The following PCDH15 variants were observed in gnomAD, a reference collection of about 807,000 sequenced individuals.
The protein encoded by PCDH15 is protocadherin related 15.
In PCDH15, 129 loss-of-function variants were observed where a neutral mutation model predicts 178.5. That is an observed-to-expected ratio of 0.72 (90% confidence interval 0.63 to 0.84). PCDH15 has a LOEUF of 0.84. Among genes scored for constraint, PCDH15 ranks in the 40% least tolerant of loss-of-function variants. The pLI is 0.00. For missense variants in PCDH15, 2,230 were observed against 2,099.9 expected (o/e 1.06, Z -1.21); for synonymous variants, 800 against 732.0 (o/e 1.09, Z -1.50).
In PCDH15 at chr10:53,903,334, T is replaced by G. The variant is rs1439470139; in HGVS notation, c.3410A>C (p.Glu1137Ala). 6.2e-7 allele frequency: 1 copy of G among 1,613,048 alleles called. No individual in the cohort carries two copies. The highest frequency in any genetic ancestry group is 8.5e-7 in the Non-Finnish European group (1 of 1,179,486). ...CTGAAACACTGGGGGATGATTATTT[T>G]CATCCTGAATCTCAATGTATACTTT... is the stretch of plus-strand genomic sequence containing the variant. ...TAKVYIEIQD[E>A]NNHPPVFQKK... is the part of the protein sequence containing the mutation. The change falls in exon 26 of 38, where the codon GAA (glutamate) becomes GCA (alanine). Residue 1137 changes from glutamate (E) to alanine (A), a missense_variant. Coordinates refer to ENST00000644397, the MANE Select transcript of PCDH15 (RefSeq NM_001384140.1).
chr10:54,077,998 G>C (rs1015601698), intron 17 of PCDH15, among the ~76,000 whole-genome samples: 2 of 152,150 alleles, frequency 1.3e-5, no homozygotes, highest in African/African-American at 4.8e-5. Context: ...GGGAGGCTGA[G>C]TTTGCAGTGA....
At chr10:54,356,926 T>G (rs187037445) in intron 5 of PCDH15, among the ~76,000 whole-genome samples, 3 of 152,124 alleles carry the variant, frequency 2.0e-5, no homozygotes, top group East Asian at 1.9e-4. Context: ...ATTATCTCAA[T>G]AGATGCAGAA....
chr10:54,320,785 G>T (rs1405611634), intron 7 of PCDH15, among the ~76,000 whole-genome samples: 1 of 151,814 alleles, frequency 6.6e-6, no homozygotes, highest in Admixed American at 6.6e-5. Context: ...ATGAGGACAT[G>T]TTTCCTCATC....
intron 25 of PCDH15, among the ~76,000 whole-genome samples, chr10:53,935,625 G>A (rs12265526): frequency 0.012 from 1,759 of 152,306 alleles, 45 homozygotes; most frequent in African/African-American, 0.041. Context: ...CTACAGCAGA[G>A]TAGAGTAGTT....
chr10:54,044,891 G>T (rs1226569987), intron 18 of PCDH15, among the ~76,000 whole-genome samples: 1 of 152,040 alleles, frequency 6.6e-6, no homozygotes, highest in Non-Finnish European at 1.5e-5. Context: ...TAATAGCTGA[G>T]GACACTGACT....
chr10:54,645,906 G>T (rs561882465), intron 2 of PCDH15, among the ~76,000 whole-genome samples: 1 of 152,086 alleles, frequency 6.6e-6, no homozygotes, highest in South Asian at 2.1e-4. Context: ...TAATGAGAAA[G>T]TTACTATTAT....
chr10:55,304,190 A>G (rs2132281359), intron 1 of PCDH15, among the ~76,000 whole-genome samples: 2 of 152,220 alleles, frequency 1.3e-5, no homozygotes, highest in Admixed American at 1.3e-4. Flanking sequence ...CAGAACTGCA[A>G]GTAGGGCCTA....
At chr10:55,086,548 C>G (rs1842173548) in intron 2 of PCDH15, among the ~76,000 whole-genome samples, 1 of 151,938 alleles carries the variant, frequency 6.6e-6, no homozygotes, top group African/African-American at 2.4e-5. Context: ...CACACATCTA[C>G]CAGAGCTAAA....
At chr10:54,423,484 G>T (rs9416333) in intron 3 of PCDH15, among the ~76,000 whole-genome samples, 26,123 of 151,666 alleles carry the variant, frequency 0.17, 2,667 homozygotes, top group African/African-American at 0.25. Context: ...GAGTTGGATT[G>T]GAGTGGGTGG....
At chr10:54,917,300 C>T (rs1837361876) in intron 2 of PCDH15, among the ~76,000 whole-genome samples, 1 of 152,108 alleles carries the variant, frequency 6.6e-6, no homozygotes, top group African/African-American at 2.4e-5. Flanking sequence ...AGAGGAGACT[C>T]TATATCCCTA....
chr10:55,018,409 T>A (rs578152958), intron 2 of PCDH15, among the ~76,000 whole-genome samples: 1 of 152,268 alleles, frequency 6.6e-6, no homozygotes, highest in East Asian at 1.9e-4. Context: ...AGGTTATTTT[T>A]AATACCTAAT....
At chr10:54,851,815 C>T (rs192579689) in intron 3 of PCDH15, among the ~76,000 whole-genome samples, 28 of 152,162 alleles carry the variant, frequency 1.8e-4, no homozygotes, top group Admixed American at 1.6e-3. Context: ...AGTGTTCTGC[C>T]GGCCTCAGCC....
At chr10:55,016,088 C>CTT (rs1214456541) in intron 2 of PCDH15, among the ~76,000 whole-genome samples, 6 of 112,426 alleles carry the variant, frequency 5.3e-5, no homozygotes, top group African/African-American at 1.8e-4. Flanking sequence ...CCTCAATGAC[C>CTT]TTTTTTTTTT....
chr10:53,924,914 G>C (rs2084362011), intron 25 of PCDH15, among the ~76,000 whole-genome samples: 1 of 152,142 alleles, frequency 6.6e-6, no homozygotes, highest in Non-Finnish European at 1.5e-5. Flanking sequence ...TCAGTGCTCT[G>C]GGGTTTTGGA....
intron 29 of PCDH15, among the ~76,000 whole-genome samples, chr10:53,833,523 T>C (rs1011252299): frequency 5.3e-5 from 8 of 152,124 alleles, no homozygotes; most frequent in Non-Finnish European, 1.2e-4. Flanking sequence ...TTGCCTTTTG[T>C]CATTTTATCA....
intron 16 of PCDH15, among the ~76,000 whole-genome samples, chr10:54,086,055 A>G (rs1476716134): frequency 6.6e-6 from 1 of 152,126 alleles, no homozygotes; most frequent in Non-Finnish European, 1.5e-5. Flanking sequence ...GTCTTAGTCC[A>G]TTTGTGTTGC....
intron 3 of PCDH15, among the ~76,000 whole-genome samples, chr10:54,503,312 CAT>C: frequency 7.7e-6 from 1 of 129,636 alleles, no homozygotes; most frequent in Non-Finnish European, 1.6e-5. Context: ...ATAATATATA[CAT>C]GTTTTATATT....
At chr10:54,709,755 A>G (rs1282903858) in intron 1 of PCDH15, among the ~76,000 whole-genome samples, 1 of 148,640 alleles carries the variant, frequency 6.7e-6, no homozygotes, top group Non-Finnish European at 1.5e-5. Flanking sequence ...ATATATGTGC[A>G]GGACATATCT....
chr10:53,913,593 A>T (rs1375454596), intron 25 of PCDH15, among the ~76,000 whole-genome samples: 3 of 116,382 alleles, frequency 2.6e-5, no homozygotes, highest in East Asian at 6.3e-4. Flanking sequence ...AAAAAAAAAA[A>T]ATTAGCTGGG....
Sources: allele counts gnomAD v4.1 joint callset (sites outside exome capture counted in the v4.1 genomes callset), GRCh38; gene constraint gnomAD v4.1.1; transcripts MANE v1.5; gene names NCBI Gene and HGNC (gene_info 2026-07-23, HGNC 2026-07-21).